NUP153: variants seen among roughly 807,000 people sequenced by gnomAD.
The protein encoded by NUP153 is nuclear pore complex protein Nup153.
A neutral mutation model predicts 134.6 loss-of-function variants in NUP153; 27 were observed. The ratio of observed to expected loss-of-function variants is 0.20; its 90% CI spans 0.15 to 0.28. The LOEUF (loss-of-function observed/expected upper bound fraction) is 0.28. Among genes scored for constraint, NUP153 ranks in the 10% least tolerant of loss-of-function variants. The pLI, the probability that NUP153 is intolerant of heterozygous loss-of-function variation, is 1.00. For missense variants in NUP153, 1,821 were observed against 1,731.3 expected, an observed-to-expected ratio of 1.05 and a Z score of -0.92; for synonymous variants, 640 against 623.5, an observed-to-expected ratio of 1.03 and a Z score of -0.40.
intron 1 of NUP153, among the ~76,000 whole-genome samples, chr6:17,701,832 C>CGGG (rs59685451): frequency 0.016 from 710 of 44,296 alleles, 37 homozygotes; most frequent in Middle Eastern, 0.045. Flanking sequence ...GACTCTGTCT[C>CGGG]GGGGGGGGGG....
At chr6:17,656,021 A>G (rs1002426009) in intron 11 of NUP153, among the ~76,000 whole-genome samples, 8 of 152,062 alleles carry the variant, frequency 5.3e-5, no homozygotes, top group Non-Finnish European at 1.2e-4. Flanking sequence ...CCTGGCCAAC[A>G]TGGTGAAACC....
intron 14 of NUP153, among the ~76,000 whole-genome samples, chr6:17,645,303 C>T (rs1188369940): frequency 1.4e-5 from 2 of 146,526 alleles, no homozygotes; most frequent in Non-Finnish European, 3.0e-5. Flanking sequence ...TCATTTCTTT[C>T]TTTTTTTTTG....
intron 1 of NUP153, among the ~76,000 whole-genome samples, chr6:17,695,199 G>C (rs1769559561): frequency 6.6e-6 from 1 of 152,130 alleles, no homozygotes; most frequent in Non-Finnish European, 1.5e-5. Flanking sequence ...GTAATCTTTA[G>C]TTCTGTAGTT....
intron 11 of NUP153, among the ~76,000 whole-genome samples, chr6:17,654,505 A>C (rs987755239): frequency 1.3e-5 from 2 of 152,104 alleles, no homozygotes; most frequent in African/African-American, 4.8e-5. Flanking sequence ...TATTTTTAGT[A>C]CAGACAGGGT....
chr6:17,619,904 C>T (rs772666585), intron 20 of NUP153, among the ~76,000 whole-genome samples: 4 of 151,828 alleles, frequency 2.6e-5, no homozygotes, highest in Admixed American at 6.6e-5. Flanking sequence ...TCGAGACCAG[C>T]GTGGCCAACA....
Position 17,661,688 on chromosome 6 carries a change from T to C in NUP153, c.1360A>G (p.Thr454Ala). The C allele has an allele frequency of 1.2e-6, 2 of 1,613,972 alleles. No individual in the cohort carries two copies. Among genetic ancestry groups the C allele is most frequent in the Non-Finnish European group, 1.7e-6 (2 of 1,179,908 alleles). Residue 454 changes from threonine (T) to alanine (A), a missense_variant, in exon 11 of 22, where the codon ACA (threonine) becomes GCA (alanine). Physicochemically the swap from Thr to Ala is moderately conservative, Grantham distance 58 (BLOSUM62 0). Coordinates refer to ENST00000262077, the MANE Select transcript of NUP153 (RefSeq NM_005124.4). ...GGGGKMRRER[T>A]RFVASKPLEE... ...AGAGGTTTAGAAGCAACAAAGCGTG[T>C]TCTTTCTCGTCTCATCTTGCCACCT... is the stretch of plus-strand genomic sequence containing the variant.
At chr6:17,702,229 C>T (rs142875095) in intron 1 of NUP153, among the ~76,000 whole-genome samples, 5 of 152,208 alleles carry the variant, frequency 3.3e-5, no homozygotes, top group East Asian at 3.9e-4. Flanking sequence ...CATTTCTGGC[C>T]GGGCGAGGTA....
Position 17,637,587 on chromosome 6 carries a change from T to C in NUP153, c.2030A>G (p.Lys677Arg). Residue 677 changes from lysine to arginine, a missense_variant, in exon 16 of 22, where the codon AAA becomes AGA. Transcript: ENST00000262077. ...TTTTGCTGCTTGACAGGCTATGCAT[T>C]TGTTGTCTGTAACTTTGTTCTGGAG... ...CLLQNKVTDN[K>R]CIACQAAKLS... 1 of 1,614,156 alleles carries C rather than the reference T, an allele frequency of 6.2e-7. No individual in the cohort carries two copies.
At chr6:17,639,214 A>G (rs1252683275) in intron 15 of NUP153, among the ~76,000 whole-genome samples, 2 of 152,036 alleles carry the variant, frequency 1.3e-5, no homozygotes, top group Non-Finnish European at 2.9e-5. Context: ...AGTAGCTGGA[A>G]CTACAGGTGC....
At chr6:17,633,515 T>C (rs1304399357) in intron 16 of NUP153, among the ~76,000 whole-genome samples, 4 of 152,318 alleles carry the variant, frequency 2.6e-5, no homozygotes, top group Non-Finnish European at 5.9e-5. Context: ...GCTTAACTTG[T>C]AAGATGCTCA....
At chr6:17,631,077 A>G (rs955404348) in intron 17 of NUP153, among the ~76,000 whole-genome samples, 11 of 152,336 alleles carry the variant, frequency 7.2e-5, no homozygotes, top group African/African-American at 2.4e-4. Flanking sequence ...AAACACTTAA[A>G]TGCAGTGTTT....
chr6:17,705,077 T>C (rs1007721452), intron 1 of NUP153, among the ~76,000 whole-genome samples: 24 of 152,212 alleles, frequency 1.6e-4, no homozygotes, highest in African/African-American at 5.8e-4. Context: ...CTTTTAAAAA[T>C]CTGTTGATAA....
At chr6:17,684,732 G>A (rs140325264) in intron 2 of NUP153, among the ~76,000 whole-genome samples, 49 of 152,228 alleles carry the variant, frequency 3.2e-4, no homozygotes, top group Middle Eastern at 3.4e-3. Flanking sequence ...GATAAAAGAC[G>A]GGGAACTCTG....
At position 17,629,376 on chromosome 6, in the gene NUP153, C is replaced by A. The variant is rs142730251; in HGVS notation, c.2823G>T (p.Gly941=). Residue 941 remains glycine (G), a synonymous_variant, in exon 18 of 22, where the codon GGG becomes GGT. Transcript: ENST00000262077. ...AGCCTTCACTCATGGGGTTTATAGA[C>A]CCAGAATCGGATGACACACCTATTT... ...GFKIGVSSDS[G]SINPMSEGFK... 9 of 1,613,624 alleles carry A rather than the reference C, an allele frequency of 5.6e-6. No homozygotes were observed. Among genetic ancestry groups the A allele is most frequent in the Non-Finnish European group, 7.6e-6 (9 of 1,179,872 alleles).
chr6:17,632,628 A>G (rs769172083), intron 17 of NUP153, 22 bp downstream of exon 17: 2 of 1,569,292 alleles, frequency 1.3e-6, no homozygotes, highest in Admixed American at 1.9e-5. Flanking sequence ...CATCACCTTT[A>G]TTTTTATTTT....
At chr6:17,665,574 C>T (rs4142294) in intron 8 of NUP153, among the ~76,000 whole-genome samples, 189 bp from the exon 9 acceptor site, 122,607 of 152,094 alleles carry the variant, frequency 0.81, 49,521 homozygotes, top group East Asian at 0.89. Context: ...TATACCTATG[C>T]ACATAAATAT....
Position 17,637,786 on chromosome 6 carries a change from G to A in NUP153, c.1847-16C>T, listed in dbSNP as rs760357295. On this transcript the variant is annotated splice_polypyrimidine_tract_variant and intron_variant, in intron 15 of 21. Transcript: ENST00000262077. ...GATGCGAAACCTACAATGAACGAAG[G>A]AGAGAGTGCAACGTTAGAGAAGCTT... The A allele has an allele frequency of 1.0e-5, 16 of 1,581,060 alleles. No homozygotes were observed. The South Asian group carries it at 1.8e-4, about 18-fold the overall frequency.
intron 5 of NUP153, 47 bp from the exon 6 acceptor site, chr6:17,669,593 C>T (rs751810559): frequency 8.0e-6 from 10 of 1,254,646 alleles, no homozygotes; most frequent in Non-Finnish European, 1.1e-5. Flanking sequence ...AAATCTAAGG[C>T]ACATATTTCA....
intron 16 of NUP153, among the ~76,000 whole-genome samples, chr6:17,633,255 T>C (rs144298434): frequency 6.6e-6 from 1 of 152,180 alleles, no homozygotes; most frequent in Non-Finnish European, 1.5e-5. Flanking sequence ...AAGATGTAAA[T>C]TGTAGGCAAT....
Sources: allele counts gnomAD v4.1 joint callset (sites outside exome capture counted in the v4.1 genomes callset), GRCh38; gene constraint gnomAD v4.1.1; transcripts MANE v1.5; gene names NCBI Gene and HGNC (gene_info 2026-07-23, HGNC 2026-07-21).